Variants in H1-2 observed in about 807,000 individuals in gnomAD.
The protein encoded by H1-2 is H1.2 linker histone, cluster member, also known as histone H1.2.
Under a neutral mutation model 7.2 loss-of-function variants are expected in H1-2, and 7 were observed. That is an observed-to-expected ratio of 0.97 (90% CI 0.55 to 1.82). H1-2 has a LOEUF of 1.82. H1-2 is among the 40% of genes most tolerant of loss of function. The pLI is 0.00. For synonymous variants in H1-2, 300 were observed against 118.2 expected, an observed-to-expected ratio of 2.54 and a Z score of -9.98; for missense variants, 703 against 276.6, an observed-to-expected ratio of 2.54 and a Z score of -10.94.
At position 26,055,898 on chromosome 6, in the gene H1-2, G is replaced by T. The variant is rs151312739; in HGVS notation, c.531C>A (p.Ala177=). 3.1e-6 allele frequency: 5 copies of T among 1,614,106 alleles called. No individual in the cohort carries two copies. Among genetic ancestry groups the T allele is most frequent in the Non-Finnish European group, 3.4e-6 (4 of 1,180,018 alleles). ...TKKVAKSPKK[A]KVAKPKKAAK... is the part of the protein sequence containing the mutation. ...CAGCTTTCTTGGGCTTCGCAACCTT[G>T]GCCTTCTTTGGGCTCTTAGCCACTT... Residue 177 remains alanine, a synonymous_variant, in exon 1 of 1, where the codon GCC becomes GCA. Transcript: ENST00000343677.
Position 26,055,976 on chromosome 6 carries a change from A to G in H1-2, c.453T>C (p.Ala151=), listed in dbSNP as rs1761909757. The G allele has an allele frequency of 3.1e-6, 5 of 1,613,786 alleles. No homozygotes were observed. In the African/African-American group the frequency reaches 4.0e-5, roughly 13 times the overall value. The change falls in exon 1 of 1, where the codon GCT becomes GCC. Residue 151 remains alanine, a synonymous_variant. Coordinates refer to ENST00000343677, the MANE Select transcript of H1-2 (RefSeq NM_005319.4). ...AAGGATPKKS[A]KKTPKKAKKP... is the part of the protein sequence containing the mutation. The stretch of plus-strand genomic sequence containing the variant: ...TCTTCGCTTTCTTCGGTGTTTTCTT[A>G]GCGCTCTTCTTCGGAGTTGCGCCGC...
Position 26,056,059 on chromosome 6 carries a change from C to T in H1-2, c.370G>A (p.Gly124Ser), listed in dbSNP as rs147427763. ...GEAKPKVKKA[G>S]GTKPKKPVGA... ...ACTGGCTTCTTAGGTTTGGTTCCGC[C>T]CGCCTTTTTAACCTTGGGCTTGGCT... The change falls in exon 1 of 1, where the codon GGC becomes AGC. Residue 124 changes from glycine (G) to serine (S), a missense_variant. Transcript: ENST00000343677. 2 of 1,614,168 alleles carry T rather than the reference C, an allele frequency of 1.2e-6. No individual in the cohort carries two copies. Among genetic ancestry groups the T allele is most frequent in the East Asian group, 2.2e-5 (1 of 44,886 alleles).
Position 26,056,132 on chromosome 6 carries a change from G to T in H1-2, c.297C>A (p.Thr99=), listed in dbSNP as rs370480066. ...TGAGTTTAAAGGAGCCAGAAGCACC[G>T]GTGCCTTTCGTTTGCACCAGAGTGC... The part of the protein sequence containing the change: ...SKGTLVQTKG[T]GASGSFKLNK... Residue 99 remains threonine, a synonymous_variant, in exon 1 of 1, where the codon ACC becomes ACA. Transcript: ENST00000343677. The T allele has an allele frequency of 1.2e-6, 2 of 1,614,224 alleles. No homozygotes were observed. Among genetic ancestry groups the T allele is most frequent in the South Asian group, 2.2e-5 (2 of 91,082 alleles).
In H1-2 at chr6:26,056,240, T is replaced by C. The variant is rs1761921966; in HGVS notation, c.189A>G (p.Lys63=). Residue 63 remains lysine, a synonymous_variant, in exon 1 of 1, where the codon AAA becomes AAG. Coordinates refer to ENST00000343677, the MANE Select transcript of H1-2 (RefSeq NM_005319.4). ...CATAGCCGGCGGCAGCCAACGCTTT[T>C]TTCAGAGCAGCCAGAGAAACTCCGC... The part of the protein sequence containing the change: ...ERSGVSLAAL[K]KALAAAGYDV... 1 of 1,614,254 alleles carries C rather than the reference T, an allele frequency of 6.2e-7. No homozygotes were observed. The highest frequency in any genetic ancestry group is 8.5e-7 in the Non-Finnish European group (1 of 1,180,044).
rs1393266086 is a variant in H1-2 at position 26,056,323 on chromosome 6, A to G, written c.106T>C (p.Ser36Pro). The stretch of plus-strand genomic sequence containing the variant: ...ATGAGCTCTGACACCGGGGGACCAG[A>G]CGCCTTACGAGGCGTACCCCCAGCC... ...KKAGGTPRKA[S>P]GPPVSELITK... The change falls in exon 1 of 1, where the codon TCT (serine) becomes CCT (proline). Residue 36 changes from serine (S) to proline (P), a missense_variant. Transcript: ENST00000343677. The G allele has an allele frequency of 3.1e-6, 5 of 1,613,896 alleles. No individual in the cohort carries two copies. In the South Asian group the frequency reaches 3.3e-5, roughly 11 times the overall value.
chr6:26,056,154 G>T lies in H1-2; in HGVS notation c.275C>A (p.Thr92Asn), dbSNP rs756377093. 3 of 1,614,122 alleles carry T rather than the reference G, an allele frequency of 1.9e-6. No individual in the cohort carries two copies. The highest frequency in any genetic ancestry group is 1.7e-6 in the Non-Finnish European group (2 of 1,180,050). ...LGLKSLVSKGTLVQTKGTGAS... is the reference protein window; with the variant it reads ...LGLKSLVSKGNLVQTKGTGAS... ...ACCGGTGCCTTTCGTTTGCACCAGA[G>T]TGCCCTTGCTCACCAGGCTCTTGAG... The change falls in exon 1 of 1, where the codon ACT (threonine) becomes AAT (asparagine). Residue 92 changes from threonine (T) to asparagine (N), a missense_variant. Coordinates refer to ENST00000343677, the MANE Select transcript of H1-2 (RefSeq NM_005319.4).
chr6:26,056,375 G>C lies in H1-2; in HGVS notation c.54C>G (p.Ala18=), dbSNP rs199906554. The change falls in exon 1 of 1, where the codon GCC becomes GCG. Residue 18 remains alanine (A), a synonymous_variant. Transcript: ENST00000343677. Reference sequence around the variant, plus strand: ...TTTTGGCCGCCTTCTTCTTTACAGGGGCCTTCTCCGCAGGAGGCGCGGCAG... The same window carrying C: ...TTTTGGCCGCCTTCTTCTTTACAGGCGCCTTCTCCGCAGGAGGCGCGGCAG... The part of the protein sequence containing the change: ...APAAAPPAEK[A]PVKKKAAKKA... 1.2e-6 allele frequency: 2 copies of C among 1,609,192 alleles called. No homozygotes were observed. Among genetic ancestry groups the C allele is most frequent in the Non-Finnish European group, 8.5e-7 (1 of 1,177,658 alleles).
At position 26,056,158 on chromosome 6, in the gene H1-2, C is replaced by G. The variant is rs750602586; in HGVS notation, c.271G>C (p.Gly91Arg). ...KLGLKSLVSK[G>R]TLVQTKGTGA... is the part of the protein sequence containing the mutation. ...GTGCCTTTCGTTTGCACCAGAGTGC[C>G]CTTGCTCACCAGGCTCTTGAGACCA... is the stretch of plus-strand genomic sequence containing the variant. The change falls in exon 1 of 1, where the codon GGC becomes CGC. Residue 91 changes from glycine to arginine, a missense_variant. Transcript: ENST00000343677. 4 of 1,614,216 alleles carry G rather than the reference C, an allele frequency of 2.5e-6. No homozygotes were observed. Among genetic ancestry groups the G allele is most frequent in the Non-Finnish European group, 3.4e-6 (4 of 1,180,028 alleles).
rs1554149664 is a variant in H1-2 at position 26,056,174 on chromosome 6, C to T, written c.255G>A (p.Lys85=). The part of the protein sequence containing the change: ...KNNSRIKLGL[K]SLVSKGTLVQ... ...CCAGAGTGCCCTTGCTCACCAGGCTCTTGAGACCAAGTTTGATACGGCTGT... is the reference window on the plus strand; with the variant it reads ...CCAGAGTGCCCTTGCTCACCAGGCTTTTGAGACCAAGTTTGATACGGCTGT... The change falls in exon 1 of 1, where the codon AAG becomes AAA. Residue 85 remains lysine, a synonymous_variant. Transcript: ENST00000343677. The T allele has an allele frequency of 1.5e-5, 24 of 1,614,250 alleles. No homozygotes were observed. The highest frequency in any genetic ancestry group is 2.2e-5 in the South Asian group (2 of 91,090).
At position 26,056,057 on chromosome 6, in the gene H1-2, G is replaced by T. The variant is rs61742493; in HGVS notation, c.372C>A (p.Gly124=). ...CAACTGGCTTCTTAGGTTTGGTTCC[G>T]CCCGCCTTTTTAACCTTGGGCTTGG... ...GEAKPKVKKA[G]GTKPKKPVGA... The change falls in exon 1 of 1, where the codon GGC becomes GGA. Residue 124 remains glycine (G), a synonymous_variant. Transcript: ENST00000343677. 1 of 1,614,082 alleles carries T rather than the reference G, an allele frequency of 6.2e-7. No homozygotes were observed. The highest frequency in any genetic ancestry group is 1.3e-5 in the African/African-American group (1 of 75,020).
chr6:26,055,987 T>C lies in H1-2; in HGVS notation c.442A>G (p.Lys148Glu), dbSNP rs777466176. Reference protein sequence around the residue: ...PKKAAGGATPKKSAKKTPKKA... With the variant: ...PKKAAGGATPEKSAKKTPKKA... ...TTCGGTGTTTTCTTAGCGCTCTTCTTCGGAGTTGCGCCGCCAGCCGCCTTC... is the reference window on the plus strand; with the variant it reads ...TTCGGTGTTTTCTTAGCGCTCTTCTCCGGAGTTGCGCCGCCAGCCGCCTTC... Residue 148 changes from lysine to glutamate, a missense_variant, in exon 1 of 1, where the codon AAG becomes GAG. Lys to Glu is a moderately conservative substitution (Grantham distance 56, BLOSUM62 1). Transcript: ENST00000343677. The C allele has an allele frequency of 1.9e-6, 3 of 1,614,026 alleles. No homozygotes were observed. Among genetic ancestry groups the C allele is most frequent in the Non-Finnish European group, 2.5e-6 (3 of 1,180,018 alleles).
In H1-2 at chr6:26,056,247, G is replaced by A. The variant is rs756498899; in HGVS notation, c.182C>T (p.Ala61Val). Residue 61 changes from alanine to valine, a missense_variant, in exon 1 of 1, where the codon GCT becomes GTT. Ala to Val is a moderately conservative substitution (Grantham distance 64). Coordinates refer to ENST00000343677, the MANE Select transcript of H1-2 (RefSeq NM_005319.4). ...SKERSGVSLA[A>V]LKKALAAAGY... ...GGCGGCAGCCAACGCTTTTTTCAGA[G>A]CAGCCAGAGAAACTCCGCTACGCTC... 37 of 1,614,082 alleles carry A rather than the reference G, an allele frequency of 2.3e-5. No individual in the cohort carries two copies. Among genetic ancestry groups the A allele is most frequent in the Non-Finnish European group, 2.6e-5 (31 of 1,180,030 alleles).
Position 26,056,454 on chromosome 6 carries a change from A to C in H1-2, c.-26T>G. ...GTTGAGAATCAAAAACTCGGGTACA[A>C]GTGGCAAAGCGCCGATGAAGCAGCG... On this transcript the variant is annotated 5_prime_UTR_variant, in exon 1 of 1. Coordinates refer to ENST00000343677, the MANE Select transcript of H1-2 (RefSeq NM_005319.4). 1 of 1,545,544 alleles carries C rather than the reference A, an allele frequency of 6.5e-7. No individual in the cohort carries two copies. Among genetic ancestry groups the C allele is most frequent in the South Asian group, 1.3e-5 (1 of 79,694 alleles).
In H1-2 at chr6:26,055,839, G is replaced by A. The variant is rs1218874074; in HGVS notation, c.590C>T (p.Ala197Val). ...KSAAKAVKPK[A>V]AKPKVVKPKK... ...AGGCTTGACAACCTTGGGCTTAGCG[G>A]CCTTGGGCTTCACAGCCTTAGCAGC... The change falls in exon 1 of 1, where the codon GCC (alanine) becomes GTC (valine). Residue 197 changes from alanine (A) to valine (V), a missense_variant. Coordinates refer to ENST00000343677, the MANE Select transcript of H1-2 (RefSeq NM_005319.4). 3.7e-6 allele frequency: 6 copies of A among 1,613,420 alleles called. No homozygotes were observed. The highest frequency in any genetic ancestry group is 1.3e-5 in the African/African-American group (1 of 74,972).
rs746863779 is a variant in H1-2, at chr6:26,056,452, C to T, written c.-24G>A. 4.7e-5 allele frequency: 73 copies of T among 1,546,852 alleles called. No homozygotes were observed. The African/African-American group carries it at 5.3e-4, about 11-fold the overall frequency. ...ATGTTGAGAATCAAAAACTCGGGTA[C>T]AAGTGGCAAAGCGCCGATGAAGCAG... On this transcript the variant is annotated 5_prime_UTR_variant, in exon 1 of 1. Transcript: ENST00000343677.
rs1479295677 is a variant in H1-2 at position 26,056,429 on chromosome 6, G to C, written c.-1C>G. The C allele has an allele frequency of 1.9e-6, 3 of 1,565,480 alleles. No homozygotes were observed. Among genetic ancestry groups the C allele is most frequent in the Non-Finnish European group, 2.6e-6 (3 of 1,160,556 alleles). On this transcript the variant is annotated 5_prime_UTR_variant, in exon 1 of 1. Transcript: ENST00000343677. ...GAGCGGCAGGAGCAGTCTCGGACAT[G>C]TTGAGAATCAAAAACTCGGGTACAA...
At position 26,056,000 on chromosome 6, in the gene H1-2, G is replaced by T. The variant is rs762871933; in HGVS notation, c.429C>A (p.Gly143=). 1.2e-6 allele frequency: 2 copies of T among 1,613,936 alleles called. No individual in the cohort carries two copies. The highest frequency in any genetic ancestry group is 2.2e-5 in the East Asian group (1 of 44,876). ...GAAKKPKKAA[G]GATPKKSAKK... ...TAGCGCTCTTCTTCGGAGTTGCGCC[G>T]CCAGCCGCCTTCTTGGGCTTCTTGG... Residue 143 remains glycine (G), a synonymous_variant, in exon 1 of 1, where the codon GGC becomes GGA. Transcript: ENST00000343677.
rs371697388 is a variant in H1-2, at chr6:26,055,815, G to C, written c.614C>G (p.Pro205Arg). 6.2e-7 allele frequency: 1 copy of C among 1,602,628 alleles called. No homozygotes were observed. Among genetic ancestry groups the C allele is most frequent in the Non-Finnish European group, 8.5e-7 (1 of 1,176,924 alleles). The change falls in exon 1 of 1, where the codon CCT (proline) becomes CGT (arginine). Residue 205 changes from proline to arginine, a missense_variant. Pro to Arg is a moderately radical substitution (Grantham distance 103). Coordinates refer to ENST00000343677, the MANE Select transcript of H1-2 (RefSeq NM_005319.4). The part of the protein sequence containing the change: ...PKAAKPKVVK[P>R]KKAAPKKK ...TTTCTTCTTGGGCGCCGCCTTCTTA[G>C]GCTTGACAACCTTGGGCTTAGCGGC...
At position 26,055,759 on chromosome 6, in the gene H1-2, CT is replaced by C. The variant is rs752322174; in HGVS notation, c.*27del. 2 of 1,569,654 alleles carry C rather than the reference CT, an allele frequency of 1.3e-6. No homozygotes were observed. Among genetic ancestry groups the C allele is most frequent in the Non-Finnish European group, 1.7e-6 (2 of 1,164,758 alleles). On this transcript the variant is annotated 3_prime_UTR_variant, in exon 1 of 1. Coordinates refer to ENST00000343677, the MANE Select transcript of H1-2 (RefSeq NM_005319.4). ...GATCAGTGGTGGCTCTGAAAAGAGC[CT>C]TTTGGGTTTTAGAAGTAGGCGTTCG...
Sources: allele counts gnomAD v4.1 joint callset, GRCh38; gene constraint gnomAD v4.1.1; transcripts MANE v1.5; gene names NCBI Gene and HGNC (gene_info 2026-07-23, HGNC 2026-07-21).